The following VPS8 variants were observed in gnomAD, a reference collection of about 807,000 sequenced individuals.
VPS8 encodes the protein vacuolar protein sorting-associated protein 8 homolog.
Under a neutral mutation model 216.4 loss-of-function variants are expected in VPS8, and 129 were observed. The observed-to-expected ratio is 0.60, with a 90% confidence interval of 0.52 to 0.69. The LOEUF is 0.69. Ranked by LOEUF, VPS8 falls within the 30% of genes least tolerant of loss-of-function variation. The pLI is 0.00. For synonymous variants in VPS8, 571 were observed against 565.4 expected (o/e 1.01, Z -0.14); for missense variants, 1,531 against 1,683.5 (o/e 0.91, Z 1.59).
At chr3:184,934,083 A>G (rs186668225) in intron 34 of VPS8, among the ~76,000 whole-genome samples, 2 of 152,290 alleles carry the variant, frequency 1.3e-5, no homozygotes, top group South Asian at 2.1e-4. Context: ...CTATGACTGT[A>G]TGGTATAATC....
intron 25 of VPS8, among the ~76,000 whole-genome samples, chr3:184,909,073 G>A (rs558144649): frequency 6.6e-6 from 1 of 152,290 alleles, no homozygotes; most frequent in South Asian, 2.1e-4. Flanking sequence ...TTTCACAAGG[G>A]ACCCGCCCCT....
chr3:184,839,813 T>C (rs1404799092), intron 7 of VPS8, 61 bp downstream of exon 7: 1 of 1,547,074 alleles, frequency 6.5e-7, no homozygotes, highest in Non-Finnish European at 8.7e-7. Flanking sequence ...TTTTATAATG[T>C]CCTTTAATCA....
intron 3 of VPS8, among the ~76,000 whole-genome samples, chr3:184,829,356 G>T (rs970213960): frequency 6.6e-6 from 1 of 152,068 alleles, no homozygotes; most frequent in Non-Finnish European, 1.5e-5. Context: ...TGGGATTACC[G>T]GCATGCACCA....
intron 14 of VPS8, among the ~76,000 whole-genome samples, chr3:184,857,330 A>G (rs969590704): frequency 6.6e-6 from 1 of 152,270 alleles, no homozygotes; most frequent in East Asian, 1.9e-4. Context: ...AACATTTGAG[A>G]GTCCTATCTT....
At chr3:184,839,900 TA>T (rs1721804940) in intron 7 of VPS8, 148 bp downstream of exon 7, 1 of 1,410,444 alleles carries the variant, frequency 7.1e-7, no homozygotes, top group African/African-American at 1.5e-5. Context: ...TTTTTATAGC[TA>T]AAAATTATTT....
At position 184,849,041 on chromosome 3, in the gene VPS8, T is replaced by A. The variant is rs761479825; in HGVS notation, c.542-30T>A. 9.9e-6 allele frequency: 16 copies of A among 1,610,770 alleles called. No homozygotes were observed. The South Asian group carries it at 1.8e-4, about 18-fold the overall frequency. On this transcript the variant is annotated intron_variant, in intron 8 of 47. Transcript: ENST00000625842. The stretch of plus-strand genomic sequence containing the variant: ...ATGTATTTACTCTCTTGCATTTCCT[T>A]CACTTGACTTTAAAAACTGCTTTCT...
rs1561289304 is a variant in VPS8, at chr3:185,052,041, TGGCCCA to T, written c.*19_*24del. The T allele has an allele frequency of 6.2e-7, 1 of 1,605,506 alleles. No homozygotes were observed. Among genetic ancestry groups the T allele is most frequent in the Admixed American group, 1.7e-5 (1 of 59,088 alleles). On this transcript the variant is annotated 3_prime_UTR_variant, in exon 48 of 48. Coordinates refer to ENST00000625842, the MANE Select transcript of VPS8 (RefSeq NM_001009921.3). ...TGAGGATTGATGACTCCATGGAGCC[TGGCCCA>T]GGAGAACCAGAGATGATCCCGAGGC... is the stretch of plus-strand genomic sequence containing the variant.
At chr3:185,043,317 A>G (rs1712106509) in intron 46 of VPS8, among the ~76,000 whole-genome samples, 1 of 152,196 alleles carries the variant, frequency 6.6e-6, no homozygotes, top group South Asian at 2.1e-4. Flanking sequence ...GGGCTAATGT[A>G]TACATTAAAC....
At chr3:184,866,780 GTAAC>G in intron 16 of VPS8, 92 bp from the exon 17 acceptor site, 1 of 1,114,672 alleles carries the variant, frequency 9.0e-7, no homozygotes, top group Admixed American at 2.4e-5. Context: ...AAAAAGACGT[GTAAC>G]TAATAAGTCA....
At chr3:184,900,475 C>T (rs1281148310) in intron 24 of VPS8, among the ~76,000 whole-genome samples, 2 of 152,152 alleles carry the variant, frequency 1.3e-5, no homozygotes, top group Non-Finnish European at 2.9e-5. Flanking sequence ...AGGAATCTCC[C>T]TCTGAAGGGG....
At position 184,849,977 on chromosome 3, in the gene VPS8, A is replaced by G. The variant is rs753117086; in HGVS notation, c.708A>G (p.Ser236=). ...WDLASGKLLR[S]ITDAHPPGTA... ...TGGCCAGTGGAAAACTTCTAAGATC[A>G]ATAACAGATGCTCATCCTCCAGGAA... is the stretch of plus-strand genomic sequence containing the variant. The change falls in exon 10 of 48, where the codon TCA becomes TCG. Residue 236 remains serine, a synonymous_variant. Coordinates refer to ENST00000625842, the MANE Select transcript of VPS8 (RefSeq NM_001009921.3). 4.3e-6 allele frequency: 7 copies of G among 1,613,512 alleles called. No homozygotes were observed. The South Asian group carries it at 7.7e-5, about 18-fold the overall frequency.
At chr3:184,849,283 T>TACATATTACTTCATAAC in intron 9 of VPS8, 88 bp downstream of exon 9, 1 of 1,457,376 alleles carries the variant, frequency 6.9e-7, no homozygotes, top group Non-Finnish European at 9.3e-7. Flanking sequence ...AAGACCAAAA[T>TACATATTACTTCATAAC]ACGTGTTATG....
At chr3:184,926,091 C>A (rs140937820) in intron 30 of VPS8, among the ~76,000 whole-genome samples, 1 of 148,624 alleles carries the variant, frequency 6.7e-6, no homozygotes, top group African/African-American at 2.5e-5. Context: ...AGTTATGTTG[C>A]CAGGCCGGAT....
intron 25 of VPS8, among the ~76,000 whole-genome samples, chr3:184,909,094 G>A (rs1164785273): frequency 6.6e-6 from 1 of 152,170 alleles, no homozygotes; most frequent in Non-Finnish European, 1.5e-5. Context: ...ATCTGCCTAG[G>A]CATTTGACTA....
At chr3:185,047,726 C>T (rs1485297401) in intron 46 of VPS8, among the ~76,000 whole-genome samples, 1 of 152,152 alleles carries the variant, frequency 6.6e-6, no homozygotes, top group Non-Finnish European at 1.5e-5. Flanking sequence ...AGCATTACCC[C>T]TTCCTTCCCA....
At chr3:184,978,248 G>A (rs1032875171) in intron 40 of VPS8, among the ~76,000 whole-genome samples, 9 of 151,796 alleles carry the variant, frequency 5.9e-5, no homozygotes, top group African/African-American at 1.7e-4. Context: ...AGTCTCTGAG[G>A]GCTATTTTTT....
chr3:184,848,465 C>T (rs373662022), intron 8 of VPS8, among the ~76,000 whole-genome samples: 102 of 151,186 alleles, frequency 6.7e-4, no homozygotes, highest in Non-Finnish European at 1.4e-3. Flanking sequence ...AGACAGGTGA[C>T]GGTTTGTTTA....
intron 14 of VPS8, 46 bp downstream of exon 14, chr3:184,855,864 A>G: frequency 1.4e-6 from 2 of 1,440,260 alleles, no homozygotes; most frequent in East Asian, 2.3e-5. Flanking sequence ...AATTTTTTTT[A>G]TTCATCAGCA....
intron 23 of VPS8, among the ~76,000 whole-genome samples, chr3:184,895,809 T>C (rs969033543): frequency 6.0e-5 from 9 of 150,112 alleles, no homozygotes; most frequent in African/African-American, 2.0e-4. Context: ...AATTTTTGTA[T>C]TTTTAGTAGA....
Sources: gnomAD v4.1 joint callset for allele counts (sites outside exome capture counted in the v4.1 genomes callset) on GRCh38, gnomAD v4.1.1 for gene constraint, MANE v1.5 for transcripts, NCBI Gene and HGNC (gene_info 2026-07-23, HGNC 2026-07-21) for gene names.